SHC4: variants seen among roughly 807,000 people sequenced by gnomAD.
SHC4 encodes the protein SHC adaptor protein 4, also known as SHC-transforming protein 4.
Under a neutral mutation model 69.4 loss-of-function variants are expected in SHC4, and 41 were observed. The observed-to-expected ratio is 0.59, with a 90% CI of 0.46 to 0.77. SHC4 has a LOEUF of 0.77. Among genes scored for constraint, SHC4 ranks in the 30% least tolerant of loss-of-function variants. The pLI is 0.00. For missense variants in SHC4, 777 were observed against 783.8 expected (o/e 0.99, Z 0.10); for synonymous variants, 318 against 299.3 (o/e 1.06, Z -0.64).
chr15:48,946,535 C>A (rs928790772), intron 1 of SHC4: 1 of 963,888 alleles, frequency 1.0e-6, no homozygotes. Context: ...TAAGTGACAG[C>A]CTAGTTGTAA....
At chr15:48,951,468 G>A (rs1173991753) in intron 1 of SHC4, among the ~76,000 whole-genome samples, 1 of 151,870 alleles carries the variant, frequency 6.6e-6, no homozygotes, top group Non-Finnish European at 1.5e-5. Flanking sequence ...CTCTGCATTT[G>A]TCATTCCCCC....
intron 1 of SHC4, among the ~76,000 whole-genome samples, chr15:48,958,634 T>C (rs1213945444): frequency 6.6e-6 from 1 of 152,214 alleles, no homozygotes; most frequent in Non-Finnish European, 1.5e-5. Context: ...TAAATACTGG[T>C]GCTGCGAGGG....
In SHC4 at chr15:48,844,148, A is replaced by G. The variant is rs184932986; in HGVS notation, c.1304-560T>C. On this transcript the variant is annotated intron_variant, in intron 9 of 11. Transcript: ENST00000332408. ...CTATGCTCAAAGTTTGCTCTTGCCAACCTCAGCCTTGCACCAATTGCTGAT... is the reference window on the plus strand; with the variant it reads ...CTATGCTCAAAGTTTGCTCTTGCCAGCCTCAGCCTTGCACCAATTGCTGAT... 2.7e-3 allele frequency among the ~76,000 whole-genome samples: 418 copies of G among 152,290 alleles called. 2 individuals carry two copies. Among genetic ancestry groups the G allele is most frequent in the African/African-American group, 9.8e-3 (406 of 41,552 alleles).
At chr15:48,945,827 T>G (rs1042502962) in intron 1 of SHC4, 1 of 152,188 alleles carries the variant, frequency 6.6e-6, no homozygotes, top group Non-Finnish European at 1.5e-5. Context: ...GAAAAACAAT[T>G]GAATTGTACA....
chr15:48,826,254 T>A, intron 11 of SHC4, 128 bp from the exon 12 acceptor site: 6 of 125,696 alleles, frequency 4.8e-5, no homozygotes, highest in Non-Finnish European at 9.2e-5. Flanking sequence ...GAAAAGGTAC[T>A]TTTTTTTTTT....
chr15:48,931,737 G>A (rs144785738), intron 1 of SHC4, among the ~76,000 whole-genome samples: 6 of 152,148 alleles, frequency 3.9e-5, no homozygotes, highest in East Asian at 3.9e-4. Context: ...GGCAGAAAGC[G>A]AGAGATTAGC....
intron 5 of SHC4, among the ~76,000 whole-genome samples, chr15:48,868,075 G>A (rs1899597698): frequency 6.6e-6 from 1 of 152,108 alleles, no homozygotes; most frequent in Admixed American, 6.6e-5. Context: ...CTGTCCCTTG[G>A]GGAAAGAATT....
intron 1 of SHC4, among the ~76,000 whole-genome samples, chr15:48,959,707 T>C (rs1901509992): frequency 6.6e-6 from 1 of 152,242 alleles, no homozygotes; most frequent in African/African-American, 2.4e-5. Flanking sequence ...CAGATGGGAA[T>C]ACAGAGCTCA....
At chr15:48,912,354 T>C (rs1165322359) in intron 2 of SHC4, among the ~76,000 whole-genome samples, 2 of 152,226 alleles carry the variant, frequency 1.3e-5, no homozygotes, top group African/African-American at 2.4e-5. Flanking sequence ...TGAATTTCTT[T>C]CTTCTACTTG....
intron 11 of SHC4, among the ~76,000 whole-genome samples, chr15:48,831,674 C>T (rs984338915): frequency 6.6e-6 from 1 of 152,210 alleles, no homozygotes; most frequent in African/African-American, 2.4e-5. Context: ...ATGTATTTCT[C>T]ATAACATTTC....
chr15:48,833,488 G>T lies in SHC4; in HGVS notation c.1737+1281C>A, dbSNP rs144646547. Among the ~76,000 whole-genome samples the T allele has an allele frequency of 2.8e-3, 428 of 152,216 alleles. 3 individuals carry two copies. The highest frequency in any genetic ancestry group is 9.9e-3 in the African/African-American group (412 of 41,534). On this transcript the variant is annotated intron_variant, in intron 11 of 11. Coordinates refer to ENST00000332408, the MANE Select transcript of SHC4 (RefSeq NM_203349.4). ...TATCAGGTATCCCTCCAAAAAGCTG[G>T]AATTCTGGACACACTTCACTCCCCT...
At chr15:48,880,366 A>C (rs528377814) in intron 4 of SHC4, among the ~76,000 whole-genome samples, 2 of 152,322 alleles carry the variant, frequency 1.3e-5, no homozygotes, top group South Asian at 4.1e-4. Flanking sequence ...TTTCTCAATT[A>C]GCGTGCAGCT....
chr15:48,886,746 T>C (rs772815165), intron 3 of SHC4, among the ~76,000 whole-genome samples: 1 of 152,208 alleles, frequency 6.6e-6, no homozygotes, highest in Non-Finnish European at 1.5e-5. Context: ...GTAGTGGTTA[T>C]AATTACTACT....
chr15:48,924,133 T>C (rs4608275), intron 2 of SHC4, among the ~76,000 whole-genome samples: 142,214 of 152,154 alleles, frequency 0.93, 66,975 homozygotes, highest in Non-Finnish European at 0.99. Context: ...AGATCTACTG[T>C]GGCATGCCCC....
At chr15:48,914,180 G>A (rs140389123) in intron 2 of SHC4, among the ~76,000 whole-genome samples, 1 of 152,358 alleles carries the variant, frequency 6.6e-6, no homozygotes, top group Non-Finnish European at 1.5e-5. Flanking sequence ...GCGTTTTAAA[G>A]ACTTGAGCCT....
chr15:48,862,987 C>A (rs189374847), intron 6 of SHC4, among the ~76,000 whole-genome samples: 124 of 151,878 alleles, frequency 8.2e-4, no homozygotes, highest in Admixed American at 4.6e-3. Flanking sequence ...CCTCCCTCCC[C>A]TCCCTGCCAG....
At chr15:48,866,459 C>G (rs1204020943) in intron 6 of SHC4, among the ~76,000 whole-genome samples, 1 of 152,190 alleles carries the variant, frequency 6.6e-6, no homozygotes, top group Admixed American at 6.5e-5. Flanking sequence ...AGCAGCTGGG[C>G]TTCATCATTT....
intron 1 of SHC4, among the ~76,000 whole-genome samples, chr15:48,959,651 T>C (rs2073441899): frequency 6.6e-6 from 1 of 152,280 alleles, no homozygotes; most frequent in South Asian, 2.1e-4. Context: ...GAATCCATTA[T>C]TACCAAGCAA....
chr15:48,890,042 T>C (rs1900107477), intron 3 of SHC4, among the ~76,000 whole-genome samples: 2 of 152,240 alleles, frequency 1.3e-5, no homozygotes, highest in Non-Finnish European at 2.9e-5. Context: ...TGCCAGACGC[T>C]GTGGTAGATA....
Sources: allele counts gnomAD v4.1 joint callset (sites outside exome capture counted in the v4.1 genomes callset), GRCh38; gene constraint gnomAD v4.1.1; transcripts MANE v1.5; gene names NCBI Gene and HGNC (gene_info 2026-07-23, HGNC 2026-07-21).